The following CCDC171 variants were observed in gnomAD, a reference collection of about 807,000 sequenced individuals.
CCDC171 encodes coiled-coil domain containing 171, also known as coiled-coil domain-containing protein 171.
In CCDC171, 177 loss-of-function variants were observed where a neutral mutation model predicts 168.2. The ratio of observed to expected loss-of-function variants is 1.05; its 90% confidence interval spans 0.93 to 1.19. The LOEUF is 1.19. Ranked by LOEUF, CCDC171 falls within the 50% of genes most tolerant of loss-of-function variation. CCDC171 has a pLI of 0.00. For missense variants in CCDC171, 1,991 were observed against 1,539.0 expected (o/e 1.29, Z -4.91); for synonymous variants, 687 against 540.8 (o/e 1.27, Z -3.75).
intron 25 of CCDC171, among the ~76,000 whole-genome samples, chr9:15,956,232 C>T (rs1829782815): frequency 6.6e-6 from 1 of 152,152 alleles, no homozygotes; most frequent in African/African-American, 2.4e-5. Context: ...CACAGAATGG[C>T]AAGTTATGGT....
rs1391532801 is a variant in CCDC171, at chr9:15,820,949, CAAACCG to C, written c.3268-25750_3268-25745del. ...GCAAAAATCCTCAATAAAATACTGGCAAACCGAATCCAGCAGCACATCAAAAAGCTT... is the reference window on the plus strand; with the variant it reads ...GCAAAAATCCTCAATAAAATACTGGCAATCCAGCAGCACATCAAAAAGCTT... On this transcript the variant is annotated intron_variant, in intron 21 of 25. Transcript: ENST00000380701. Among the ~76,000 whole-genome samples, 61 of 116,936 alleles carry C rather than the reference CAAACCG, an allele frequency of 5.2e-4. 18 individuals carry two copies. The highest frequency in any genetic ancestry group is 1.9e-3 in the African/African-American group (59 of 31,076). 76.7% of individuals were successfully genotyped at this position (116,936 alleles called of 152,430 possible).
At chr9:16,036,440 C>G (rs963308831) in intron 8 of CCDC171, among the ~76,000 whole-genome samples, 4 of 152,146 alleles carry the variant, frequency 2.6e-5, no homozygotes, top group Admixed American at 2.6e-4. Context: ...GTCAGGAGAT[C>G]AAGACCATCC....
At chr9:16,065,463 G>C (rs536240343), downstream of CCDC171, among the ~76,000 whole-genome samples, 3 of 152,154 alleles carry the variant, frequency 2.0e-5, no homozygotes, top group South Asian at 2.1e-4. Context: ...TGGAAAGCTC[G>C]AGGGGCCCTG....
intron 23 of CCDC171, among the ~76,000 whole-genome samples, chr9:15,851,063 G>A (rs1053990115): frequency 6.6e-6 from 1 of 151,974 alleles, no homozygotes; most frequent in Non-Finnish European, 1.5e-5. Flanking sequence ...TCAAATAGAA[G>A]AAAGAACTTG....
intron 9 of CCDC171, among the ~76,000 whole-genome samples, chr9:15,674,282 T>C (rs2049351062): frequency 6.6e-6 from 1 of 152,184 alleles, no homozygotes; most frequent in Non-Finnish European, 1.5e-5. Flanking sequence ...AGCAGTCTTA[T>C]CTATTTTGTT....
chr9:15,600,184 C>T (rs1207026977), intron 6 of CCDC171, among the ~76,000 whole-genome samples: 2 of 152,196 alleles, frequency 1.3e-5, no homozygotes, highest in Non-Finnish European at 2.9e-5. Context: ...TGGTGAGGAG[C>T]TGTGTTCCTT....
At position 15,972,053 on chromosome 9, in the gene CCDC171, AT is replaced by A; in HGVS notation, c.*222del. On this transcript the variant is annotated 3_prime_UTR_variant, in exon 26 of 26. Transcript: ENST00000380701. ...GTTTTATTTGTTATCACAGTTGCTC[AT>A]TTTTATGTAACATATTTTTAAATGT... The A allele has an allele frequency of 2.0e-6, 1 of 501,948 alleles. No individual in the cohort carries two copies. The highest frequency in any genetic ancestry group is 3.5e-6 in the Non-Finnish European group (1 of 286,168). The allele number at this position is 501,948 out of a possible 1,614,324, so 31.1% of individuals were successfully genotyped here.
intron 25 of CCDC171, among the ~76,000 whole-genome samples, chr9:15,953,802 C>T (rs1448139192): frequency 6.6e-6 from 1 of 151,972 alleles, no homozygotes; most frequent in African/African-American, 2.4e-5. Flanking sequence ...GCCATTTGGT[C>T]CTAGGCTTCT....
chr9:15,575,463 C>T (rs1025775801), intron 3 of CCDC171, among the ~76,000 whole-genome samples: 1 of 151,906 alleles, frequency 6.6e-6, no homozygotes, highest in East Asian at 1.9e-4. Context: ...TGTGAGCCAC[C>T]GTACTCGGCT....
At chr9:15,615,935 G>A (rs1363661830) in intron 6 of CCDC171, among the ~76,000 whole-genome samples, 3 of 151,892 alleles carry the variant, frequency 2.0e-5, no homozygotes, top group East Asian at 1.9e-4. Context: ...GCGCCACAAC[G>A]CCAGCTAATT....
intron 6 of CCDC171, among the ~76,000 whole-genome samples, chr9:15,597,594 G>C (rs963051477): frequency 9.2e-5 from 14 of 152,132 alleles, no homozygotes; most frequent in African/African-American, 3.1e-4. Context: ...AGGGATATTG[G>C]TCTAAAATTC....
chr9:15,590,984 G>A (rs929582811), intron 4 of CCDC171, among the ~76,000 whole-genome samples: 20 of 151,724 alleles, frequency 1.3e-4, no homozygotes, highest in African/African-American at 4.8e-4. Context: ...AGAGTAGCTG[G>A]GATTACAGGT....
intron 7 of CCDC171, among the ~76,000 whole-genome samples, chr9:15,646,217 A>G (rs1236639468): frequency 6.6e-6 from 1 of 152,222 alleles, no homozygotes; most frequent in Non-Finnish European, 1.5e-5. Flanking sequence ...TGTCACCACC[A>G]GGCCTGCCTT....
chr9:16,009,539 T>G (rs1832802409), intron 3 of CCDC171, among the ~76,000 whole-genome samples: 1 of 152,228 alleles, frequency 6.6e-6, no homozygotes, highest in East Asian at 1.9e-4. Flanking sequence ...CCGTTATCTT[T>G]AAGCTTTTTG....
chr9:15,861,838 A>G (rs1474748814), intron 23 of CCDC171, among the ~76,000 whole-genome samples: 1 of 151,946 alleles, frequency 6.6e-6, no homozygotes, highest in African/African-American at 2.4e-5. Context: ...TTTGTGTTCT[A>G]TACTTTCTTA....
At chr9:15,623,473 G>GCTCACACA in intron 7 of CCDC171, 60 bp downstream of exon 7, 3 of 464,168 alleles carry the variant, frequency 6.5e-6, no homozygotes, top group Non-Finnish European at 7.3e-6. Context: ...ATGCGCGCGC[G>GCTCACACA]CGCACACACA....
chr9:15,967,808 A>G (rs1830950281), intron 25 of CCDC171, among the ~76,000 whole-genome samples: 2 of 152,172 alleles, frequency 1.3e-5, no homozygotes, highest in African/African-American at 4.8e-5. Flanking sequence ...ATTTTTCCTC[A>G]CTTTTTATAA....
intron 14 of CCDC171, 100 bp downstream of exon 14, chr9:15,725,076 G>T (rs939467872): frequency 6.0e-6 from 5 of 831,986 alleles, no homozygotes; most frequent in African/African-American, 3.4e-5. Context: ...TAAGAAAATT[G>T]TTCTGAGCAG....
intron 25 of CCDC171, 123 bp from the exon 26 acceptor site, chr9:15,971,486 A>G: frequency 3.3e-6 from 2 of 611,106 alleles, no homozygotes; most frequent in African/African-American, 1.8e-5. Context: ...TTATTGAAAT[A>G]GTAGTTTCCA....
Sources: allele counts gnomAD v4.1 joint callset (sites outside exome capture counted in the v4.1 genomes callset), GRCh38; gene constraint gnomAD v4.1.1; transcripts MANE v1.5; gene names NCBI Gene and HGNC (gene_info 2026-07-23, HGNC 2026-07-21).